NELL1: variants seen among roughly 807,000 people sequenced by gnomAD.
The protein encoded by NELL1 is protein kinase C-binding protein NELL1.
Under a neutral mutation model 107.4 loss-of-function variants are expected in NELL1, and 76 were observed. That is an observed-to-expected ratio of 0.71 (90% CI 0.59 to 0.86). NELL1 has a LOEUF of 0.86. Among genes scored for constraint, NELL1 ranks in the 40% least tolerant of loss-of-function variants. The pLI, the probability that NELL1 is intolerant of heterozygous loss-of-function variation, is 0.00. For missense variants in NELL1, 1,024 were observed against 1,005.5 expected (o/e 1.02, Z -0.25); for synonymous variants, 353 against 341.2 (o/e 1.03, Z -0.38).
At position 20,678,068 on chromosome 11, in the gene NELL1, C is replaced by T. The variant is rs762012144; in HGVS notation, c.184+8C>T. 9.3e-6 allele frequency: 15 copies of T among 1,613,812 alleles called. No individual in the cohort carries two copies. In the African/African-American group the frequency reaches 1.9e-4, roughly 20 times the overall value. On this transcript the variant is annotated splice_region_variant and intron_variant, in intron 2 of 19. Coordinates refer to ENST00000357134, the MANE Select transcript of NELL1 (RefSeq NM_006157.5). ...AAGCATTTTTATTTCAAGGTAAAGG[C>T]ACCTCCTTTCTTGCATGGTGGCAGA...
intron 3 of NELL1, 40 bp downstream of exon 3, chr11:20,783,870 T>A (rs1386075624): frequency 2.6e-6 from 4 of 1,566,346 alleles, no homozygotes; most frequent in Non-Finnish European, 3.5e-6. Context: ...CTCCTTAGAG[T>A]TAATGGGTTA....
intron 12 of NELL1, among the ~76,000 whole-genome samples, chr11:21,083,067 G>A (rs1854306503): frequency 6.6e-6 from 1 of 152,192 alleles, no homozygotes; most frequent in Non-Finnish European, 1.5e-5. Context: ...TGAATCTCCA[G>A]GCTAGTCAGC....
chr11:21,090,526 C>T (rs376327221), intron 12 of NELL1, among the ~76,000 whole-genome samples: 3 of 152,176 alleles, frequency 2.0e-5, no homozygotes, highest in East Asian at 1.9e-4. Flanking sequence ...GATTTGGGCT[C>T]GGCTCTGTCA....
intron 13 of NELL1, among the ~76,000 whole-genome samples, chr11:21,195,384 C>A (rs1013808872): frequency 6.6e-6 from 1 of 152,110 alleles, no homozygotes; most frequent in African/African-American, 2.4e-5. Flanking sequence ...ATCAGAAAAT[C>A]GGATCTGACT....
chr11:21,317,832 A>G (rs1352037597), intron 14 of NELL1, among the ~76,000 whole-genome samples: 4 of 152,148 alleles, frequency 2.6e-5, no homozygotes, highest in Non-Finnish European at 5.9e-5. Flanking sequence ...TGCTCAATAG[A>G]TTATAAATCC....
intron 13 of NELL1, among the ~76,000 whole-genome samples, chr11:21,202,488 T>A (rs915806100): frequency 2.6e-5 from 4 of 152,232 alleles, no homozygotes; most frequent in African/African-American, 9.6e-5. Flanking sequence ...TTATCATTTC[T>A]TATTGCATCT....
intron 15 of NELL1, among the ~76,000 whole-genome samples, chr11:21,382,005 A>C (rs1385822423): frequency 6.9e-6 from 1 of 143,888 alleles, no homozygotes; most frequent in Non-Finnish European, 1.5e-5. Flanking sequence ...TGTATTATTG[A>C]TAGCATGGGT....
chr11:21,311,721 G>A (rs1219007798), intron 14 of NELL1, among the ~76,000 whole-genome samples: 2 of 152,074 alleles, frequency 1.3e-5, no homozygotes, highest in Non-Finnish European at 2.9e-5. Flanking sequence ...ATATCAGCTA[G>A]CATTTATTGA....
In NELL1 at chr11:21,046,032, G is replaced by T. The variant is rs202193783; in HGVS notation, c.1301-67557G>T. The stretch of plus-strand genomic sequence containing the variant: ...ATTGCAGGCATTTAAGGATGCTATT[G>T]ATTTCTGTATATTTACTTTATATCT... On this transcript the variant is annotated intron_variant, in intron 12 of 19. Coordinates refer to ENST00000357134, the MANE Select transcript of NELL1 (RefSeq NM_006157.5). 3.9e-5 allele frequency among the ~76,000 whole-genome samples: 6 copies of T among 152,130 alleles called. No homozygotes were observed. In the East Asian group the frequency reaches 1.2e-3, roughly 29 times the overall value.
intron 14 of NELL1, among the ~76,000 whole-genome samples, chr11:21,328,121 G>A (rs148266028): frequency 0.022 from 3,359 of 152,264 alleles, 61 homozygotes; most frequent in Middle Eastern, 0.051. Flanking sequence ...TGTCTCCAGG[G>A]GTTATCAGAG....
chr11:20,960,394 C>A, intron 11 of NELL1, 38 bp from the exon 12 acceptor site: 1 of 1,603,668 alleles, frequency 6.2e-7, no homozygotes, highest in Non-Finnish European at 8.5e-7. Context: ...ACTTTATTTC[C>A]TCCTTTTCTG....
intron 14 of NELL1, among the ~76,000 whole-genome samples, chr11:21,273,722 A>G (rs1848791874): frequency 6.6e-6 from 1 of 152,264 alleles, no homozygotes; most frequent in Admixed American, 6.5e-5. Context: ...AAACTCTACA[A>G]GCCAGAGGAG....
intron 7 of NELL1, among the ~76,000 whole-genome samples, chr11:20,923,738 C>T (rs573612510): frequency 2.8e-4 from 43 of 152,308 alleles, no homozygotes; most frequent in African/African-American, 6.5e-4. Context: ...GCAAATCAAG[C>T]GACACTTGGA....
chr11:20,781,874 C>CAAAAAAAAAAA (rs138345829), intron 2 of NELL1, among the ~76,000 whole-genome samples: 209 of 76,508 alleles, frequency 2.7e-3, no homozygotes, highest in African/African-American at 5.2e-3. Flanking sequence ...ACCAAAAATA[C>CAAAAAAAAAAA]AAAAAAAAAA....
At chr11:21,495,780 T>C (rs940761542) in intron 15 of NELL1, among the ~76,000 whole-genome samples, 1 of 152,194 alleles carries the variant, frequency 6.6e-6, no homozygotes, top group Non-Finnish European at 1.5e-5. Context: ...TATCTTTGTA[T>C]ATGCTTATTG....
intron 14 of NELL1, among the ~76,000 whole-genome samples, chr11:21,353,957 T>C (rs1342017806): frequency 6.6e-6 from 1 of 152,182 alleles, no homozygotes. Context: ...CATGTATGTG[T>C]CTAATAAACC....
At chr11:20,865,944 C>T (rs2134081022) in intron 4 of NELL1, among the ~76,000 whole-genome samples, 1 of 152,322 alleles carries the variant, frequency 6.6e-6, no homozygotes, top group East Asian at 1.9e-4. Context: ...GGCTTCACCA[C>T]TTCCTAGCTG....
chr11:21,271,744 A>G (rs1006222725), intron 14 of NELL1, among the ~76,000 whole-genome samples: 7 of 152,082 alleles, frequency 4.6e-5, no homozygotes, highest in African/African-American at 1.7e-4. Flanking sequence ...TAGTGAATTG[A>G]CTCCGACAGT....
chr11:20,780,153 T>G (rs1027355128), intron 2 of NELL1, among the ~76,000 whole-genome samples: 4 of 152,188 alleles, frequency 2.6e-5, no homozygotes, highest in African/African-American at 9.7e-5. Context: ...GTGCCAATCA[T>G]TTTTAAAAAG....
Sources: gnomAD v4.1 joint callset for allele counts (sites outside exome capture counted in the v4.1 genomes callset) on GRCh38, gnomAD v4.1.1 for gene constraint, MANE v1.5 for transcripts, NCBI Gene and HGNC (gene_info 2026-07-23, HGNC 2026-07-21) for gene names.